CDH13: variants seen among roughly 807,000 people sequenced by gnomAD.
The protein encoded by CDH13 is cadherin-13.
In CDH13, 24 loss-of-function variants were observed where a neutral mutation model predicts 63.8. The observed-to-expected ratio is 0.38, with a 90% CI of 0.27 to 0.53. The LOEUF is 0.53. Among genes scored for constraint, CDH13 ranks in the 20% least tolerant of loss-of-function variants. The pLI is 0.85. For synonymous variants in CDH13, 503 were observed against 355.3 expected (o/e 1.42, Z -4.67); for missense variants, 1,049 against 903.1 (o/e 1.16, Z -2.07).
rs544992857 is a variant in CDH13, at chr16:82,984,055, A to T, written c.158-47955A>T. ...CCTTCCACCTCAGACAGTTGTAGAA[A>T]TTCAAAAGTCCCAGCAGTTTTCTAA... On this transcript the variant is annotated intron_variant, in intron 2 of 13. Coordinates refer to ENST00000567109, the MANE Select transcript of CDH13 (RefSeq NM_001257.5). Among the ~76,000 whole-genome samples, 61 of 152,304 alleles carry T rather than the reference A, an allele frequency of 4.0e-4. 1 individual carries two copies. In the South Asian group the frequency reaches 0.011, roughly 27 times the overall value.
intron 5 of CDH13, among the ~76,000 whole-genome samples, chr16:83,255,323 G>A (rs1389269667): frequency 6.6e-6 from 1 of 152,164 alleles, no homozygotes; most frequent in Non-Finnish European, 1.5e-5. Context: ...CATCCTCCAG[G>A]TTTGAACTAC....
At chr16:82,873,823 C>T (rs2040419778) in intron 2 of CDH13, among the ~76,000 whole-genome samples, 1 of 152,116 alleles carries the variant, frequency 6.6e-6, no homozygotes, top group Admixed American at 6.6e-5. Context: ...TTCAATATAG[C>T]TTGGCTCCTC....
intron 6 of CDH13, among the ~76,000 whole-genome samples, chr16:83,436,200 A>G: frequency 6.6e-6 from 1 of 152,208 alleles, no homozygotes; most frequent in East Asian, 1.9e-4. Context: ...TAAAAACTAT[A>G]GGGAACAATG....
chr16:82,778,441 A>T (rs1020742458), intron 1 of CDH13, among the ~76,000 whole-genome samples: 6 of 152,084 alleles, frequency 3.9e-5, no homozygotes, highest in African/African-American at 1.4e-4. Context: ...TGTACTTTCT[A>T]TACAAATAAG....
intron 1 of CDH13, among the ~76,000 whole-genome samples, chr16:82,728,747 T>G (rs962452548): frequency 2.6e-5 from 4 of 152,184 alleles, no homozygotes; most frequent in African/African-American, 9.6e-5. Context: ...ATCAACTGAC[T>G]GTTTCTTTTA....
chr16:83,632,521 T>A (rs1267410327), intron 8 of CDH13, among the ~76,000 whole-genome samples: 3 of 152,036 alleles, frequency 2.0e-5, no homozygotes, highest in Non-Finnish European at 4.4e-5. Context: ...AGTTCTCAGA[T>A]CAGGAAGCTG....
At chr16:82,703,510 A>G (rs1207967881) in intron 1 of CDH13, among the ~76,000 whole-genome samples, 1 of 152,174 alleles carries the variant, frequency 6.6e-6, no homozygotes, top group African/African-American at 2.4e-5. Flanking sequence ...CATTTCTCAG[A>G]GTCTCCAGGG....
intron 3 of CDH13, among the ~76,000 whole-genome samples, chr16:83,043,321 T>C (rs951309587): frequency 4.6e-5 from 7 of 152,148 alleles, no homozygotes; most frequent in Non-Finnish European, 8.8e-5. Flanking sequence ...TAACTAAAAA[T>C]GGCTTCTTTT....
intron 2 of CDH13, among the ~76,000 whole-genome samples, chr16:82,916,325 C>T (rs890489641): frequency 2.0e-5 from 3 of 152,124 alleles, no homozygotes; most frequent in Non-Finnish European, 2.9e-5. Flanking sequence ...CCTGTAATCC[C>T]AGCACTTTGG....
chr16:83,740,801 A>G (rs899733720), intron 10 of CDH13, among the ~76,000 whole-genome samples: 1 of 151,834 alleles, frequency 6.6e-6, no homozygotes, highest in Non-Finnish European at 1.5e-5. Context: ...CATCCTCCCA[A>G]CCCCAAGAGG....
At chr16:83,276,099 C>T (rs890977936) in intron 5 of CDH13, among the ~76,000 whole-genome samples, 7 of 152,126 alleles carry the variant, frequency 4.6e-5, no homozygotes, top group Non-Finnish European at 1.0e-4. Flanking sequence ...ATTGAACAGG[C>T]TTATGAGGAG....
chr16:83,545,376 T>G (rs751214819), intron 7 of CDH13, among the ~76,000 whole-genome samples: 116 of 152,320 alleles, frequency 7.6e-4, no homozygotes, highest in Non-Finnish European at 1.4e-3. Flanking sequence ...AGGGGAAGAT[T>G]CATTAATTTT....
At chr16:83,197,408 T>G (rs1448027231) in intron 4 of CDH13, among the ~76,000 whole-genome samples, 1 of 152,182 alleles carries the variant, frequency 6.6e-6, no homozygotes, top group East Asian at 1.9e-4. Flanking sequence ...TATGTGATTT[T>G]AGTTATTTTT....
At chr16:83,539,386 C>G (rs2075258008) in intron 7 of CDH13, among the ~76,000 whole-genome samples, 1 of 152,182 alleles carries the variant, frequency 6.6e-6, no homozygotes. Flanking sequence ...TGCCACTCCC[C>G]TCCTGCTGTG....
intron 6 of CDH13, among the ~76,000 whole-genome samples, chr16:83,443,777 G>C (rs918078512): frequency 7.2e-6 from 1 of 138,130 alleles, no homozygotes; most frequent in African/African-American, 2.7e-5. Flanking sequence ...GAGAAAGAGA[G>C]AGCGAGAGCA....
intron 1 of CDH13, among the ~76,000 whole-genome samples, chr16:82,766,894 T>G (rs186380938): frequency 3.7e-4 from 56 of 152,260 alleles, no homozygotes; most frequent in Non-Finnish European, 6.5e-4. Flanking sequence ...CATTATAAAA[T>G]TTTTTACACG....
chr16:82,694,821 C>A (rs900723947), intron 1 of CDH13, among the ~76,000 whole-genome samples: 2 of 152,256 alleles, frequency 1.3e-5, no homozygotes, highest in Non-Finnish European at 2.9e-5. Flanking sequence ...ACTATGCCTA[C>A]TTGTAAAGTG....
chr16:83,577,483 A>G (rs1905167270), intron 7 of CDH13, among the ~76,000 whole-genome samples: 1 of 152,234 alleles, frequency 6.6e-6, no homozygotes, highest in East Asian at 1.9e-4. Context: ...TTAAAGAGCC[A>G]GTGAGGGGTC....
intron 6 of CDH13, among the ~76,000 whole-genome samples, chr16:83,404,305 C>G (rs917825719): frequency 6.6e-6 from 1 of 152,222 alleles, no homozygotes; most frequent in Non-Finnish European, 1.5e-5. Context: ...CTTCTCAGTA[C>G]AGCCTTCAAT....
Sources: gnomAD v4.1 joint callset for allele counts (sites outside exome capture counted in the v4.1 genomes callset) on GRCh38, gnomAD v4.1.1 for gene constraint, MANE v1.5 for transcripts, NCBI Gene and HGNC (gene_info 2026-07-23, HGNC 2026-07-21) for gene names.